The following MEGF6 variants were observed in gnomAD, a reference collection of about 807,000 sequenced individuals.
MEGF6 encodes multiple epidermal growth factor-like domains protein 6.
In MEGF6, 184 loss-of-function variants were observed where a neutral mutation model predicts 207.1. That is an observed-to-expected ratio of 0.89 (90% confidence interval 0.79 to 1.00). The LOEUF (loss-of-function observed/expected upper bound fraction) is 1.00, where lower values mean the gene tolerates loss of function less well. Among genes scored for constraint, MEGF6 ranks in the 50% least tolerant of loss-of-function variants. The pLI, the probability that MEGF6 is intolerant of heterozygous loss-of-function variation, is 0.00. For synonymous variants in MEGF6, 1,038 were observed against 910.0 expected (o/e 1.14, Z -2.53); for missense variants, 2,282 against 2,202.9 (o/e 1.04, Z -0.72).
chr1:3,530,500 C>T (rs970484013), intron 4 of MEGF6, among the ~76,000 whole-genome samples: 1 of 152,182 alleles, frequency 6.6e-6, no homozygotes, highest in African/African-American at 2.4e-5. Flanking sequence ...TCAAAGCAAC[C>T]ACCTGGAGGG....
rs1175382835 is a variant in MEGF6, at chr1:3,565,933, C to T, written c.481+13892G>A. 6.6e-6 allele frequency among the ~76,000 whole-genome samples: 1 copy of T among 152,186 alleles called. No individual in the cohort carries two copies. Among genetic ancestry groups the T allele is most frequent in the Non-Finnish European group, 1.5e-5 (1 of 68,010 alleles). ...GATCCAGCTTCCTCCTCCCTGAGACCTCAGGGTCAGCTGCTATAGGACCCG... is the reference window on the plus strand; with the variant it reads ...GATCCAGCTTCCTCCTCCCTGAGACTTCAGGGTCAGCTGCTATAGGACCCG... On this transcript the variant is annotated intron_variant, in intron 4 of 36. Coordinates refer to ENST00000356575, the MANE Select transcript of MEGF6 (RefSeq NM_001409.4). The surrounding 1 kb of genome is among the most constrained non-coding windows in gnomAD (Gnocchi z 4.8).
chr1:3,609,328 C>T (rs533446514), intron 1 of MEGF6, among the ~76,000 whole-genome samples: 15 of 152,344 alleles, frequency 9.8e-5, no homozygotes, highest in Admixed American at 4.6e-4. Context: ...GCAGGGTCCC[C>T]GCACTCACTC....
At chr1:3,569,797 GC>G (rs903500988) in intron 4 of MEGF6, among the ~76,000 whole-genome samples, 2 of 152,190 alleles carry the variant, frequency 1.3e-5, no homozygotes, top group African/African-American at 4.8e-5. Context: ...GCCTACAGAA[GC>G]CCCCCACCCC....
At chr1:3,622,354 C>A in the MEGF6 span, among the ~76,000 whole-genome samples, 1 of 152,210 alleles carries the variant, frequency 6.6e-6, no homozygotes, top group Non-Finnish European at 1.5e-5. Flanking sequence ...ACGTGCCTTG[C>A]TTCCCCTTTG....
rs977664178 is a variant in MEGF6 at position 3,570,260 on chromosome 1, C to T, written c.481+9565G>A. Among the ~76,000 whole-genome samples, 4 of 152,158 alleles carry T rather than the reference C, an allele frequency of 2.6e-5. No individual in the cohort carries two copies. The South Asian group carries it at 6.2e-4, about 24-fold the overall frequency. On this transcript the variant is annotated intron_variant, in intron 4 of 36. Coordinates refer to ENST00000356575, the MANE Select transcript of MEGF6 (RefSeq NM_001409.4). ...TCAACCCACTTCAGGCAGAAGGGGC[C>T]GCCTGGGACTGAGGCCAGTGAAGCC...
At chr1:3,568,422 G>A (rs1570155089) in intron 4 of MEGF6, among the ~76,000 whole-genome samples, 1 of 138,424 alleles carries the variant, frequency 7.2e-6, no homozygotes, top group Non-Finnish European at 1.7e-5. Context: ...TGGGGCCCAC[G>A]GAGGCCACCC....
intron 1 of MEGF6, among the ~76,000 whole-genome samples, chr1:3,605,601 C>A (rs1644237382): frequency 6.6e-6 from 1 of 152,114 alleles, no homozygotes; most frequent in East Asian, 1.9e-4. Flanking sequence ...CAATGACACA[C>A]ACACAATCAC....
In MEGF6 at chr1:3,498,822, G is replaced by A. The variant is rs1640727467; in HGVS notation, c.3099C>T (p.Cys1033=). The A allele has an allele frequency of 4.5e-6, 7 of 1,551,506 alleles. No homozygotes were observed. In the African/African-American group the frequency reaches 6.8e-5, roughly 15 times the overall value. Reference sequence around the variant, plus strand: ...AGTTGTCGCCGTACAGGCCGGCAGGGCAGGCTGGGGCCAGGGAAGAGGGAG... The same window carrying A: ...AGTTGTCGCCGTACAGGCCGGCAGGACAGGCTGGGGCCAGGGAAGAGGGAG... The part of the protein sequence containing the change: ...GWMGPSCLQA[C]PAGLYGDNCR... The change falls in exon 25 of 37, where the codon TGC becomes TGT. Residue 1033 remains cysteine, a synonymous_variant. Coordinates refer to ENST00000356575, the MANE Select transcript of MEGF6 (RefSeq NM_001409.4).
chr1:3,623,387 C>T, the MEGF6 span: 1 of 152,300 alleles, frequency 6.6e-6, no homozygotes, highest in Non-Finnish European at 1.5e-5. Context: ...GGACTGGATA[C>T]TTGGACCTCA....
At chr1:3,515,568 G>A (rs749771809) in intron 5 of MEGF6, 41 bp from the exon 6 acceptor site, 3 of 1,595,162 alleles carry the variant, frequency 1.9e-6, no homozygotes, top group Admixed American at 3.4e-5. Flanking sequence ...CCAAGAGGAT[G>A]CCTGGCCGAC....
Position 3,579,275 on chromosome 1 carries a change from G to A in MEGF6, c.481+550C>T, listed in dbSNP as rs529262844. 4.9e-4 allele frequency among the ~76,000 whole-genome samples: 75 copies of A among 152,290 alleles called. No individual in the cohort carries two copies. The South Asian group carries it at 0.011, about 22-fold the overall frequency. On this transcript the variant is annotated intron_variant, in intron 4 of 36. Transcript: ENST00000356575. The stretch of plus-strand genomic sequence containing the variant: ...ACGCACTTTTCTTTACAGAAATCCC[G>A]TCACCCCAGTAGCTTGCTTTCAGCC...
chr1:3,494,133 C>A lies in MEGF6; in HGVS notation c.4130-9G>T. The A allele has an allele frequency of 1.3e-6, 2 of 1,544,532 alleles. No individual in the cohort carries two copies. The highest frequency in any genetic ancestry group is 2.5e-5 in the South Asian group (2 of 80,722). ...GAAGCCAGGGGGACAGGCTGAAGGA[C>A]GCCGGTTACCACGAGACAAGGGCAC... On this transcript the variant is annotated splice_polypyrimidine_tract_variant and intron_variant, in intron 32 of 36. Transcript: ENST00000356575.
chr1:3,559,240 GC>G (rs1308162286), intron 4 of MEGF6, among the ~76,000 whole-genome samples: 3 of 152,174 alleles, frequency 2.0e-5, no homozygotes, highest in African/African-American at 7.2e-5. Context: ...TAAACCTCAG[GC>G]CCTGAGAAGT....
At chr1:3,535,664 G>C (rs1642304807) in intron 4 of MEGF6, among the ~76,000 whole-genome samples, 1 of 152,144 alleles carries the variant, frequency 6.6e-6, no homozygotes, top group Admixed American at 6.5e-5. Context: ...CAGTGTGGGG[G>C]CCCCCCAGCG....
intron 23 of MEGF6, 41 bp downstream of exon 23, chr1:3,499,547 C>G (rs1042300441): frequency 6.4e-7 from 1 of 1,551,432 alleles, no homozygotes; most frequent in Non-Finnish European, 8.7e-7. Context: ...ACCTGGCACC[C>G]CCTCCTGCAG....
chr1:3,496,090 T>C (rs959743016), intron 29 of MEGF6, 72 bp from the exon 30 acceptor site: 9 of 1,442,722 alleles, frequency 6.2e-6, no homozygotes, highest in Middle Eastern at 2.0e-4. Context: ...GGAGTGGGGA[T>C]AGGACAGGAT....
intron 4 of MEGF6, among the ~76,000 whole-genome samples, chr1:3,540,917 C>T (rs1311880756): frequency 3.3e-5 from 5 of 152,200 alleles, no homozygotes; most frequent in Non-Finnish European, 7.4e-5. Flanking sequence ...TTGTGGAATA[C>T]CCACTAAGGG....
In MEGF6 at chr1:3,496,656, G is replaced by A; in HGVS notation, c.3741C>T (p.Leu1247=). 6.3e-7 allele frequency: 1 copy of A among 1,576,246 alleles called. No homozygotes were observed. Among genetic ancestry groups the A allele is most frequent in the Admixed American group, 1.8e-5 (1 of 55,364 alleles). Reference sequence around the variant, plus strand: ...GCACTGCTGCCACCAGCCACTCACTGAGGTTGCAGTCCGTCCCGAGGAACC... The same window carrying A: ...GCACTGCTGCCACCAGCCACTCACTAAGGTTGCAGTCCGTCCCGAGGAACC... ...PTGFLGTDCN[L]TCPQGRFGPN... is the part of the protein sequence containing the mutation. The change falls in exon 29 of 37, where the codon CTC becomes CTT. Residue 1247 remains leucine (L), a splice_region_variant and synonymous_variant. Coordinates refer to ENST00000356575, the MANE Select transcript of MEGF6 (RefSeq NM_001409.4).
At position 3,501,679 on chromosome 1, in the gene MEGF6, C is replaced by T. The variant is rs980034145; in HGVS notation, c.2314+117G>A. Reference sequence around the variant, plus strand: ...CAGGGGAGTGCACTGTGAGCTCTCACACCTGCTATAGACGGGCCTGGGATC... The same window carrying T: ...CAGGGGAGTGCACTGTGAGCTCTCATACCTGCTATAGACGGGCCTGGGATC... On this transcript the variant is annotated intron_variant, in intron 18 of 36. Transcript: ENST00000356575. 5.8e-6 allele frequency: 8 copies of T among 1,389,282 alleles called. 1 individual carries two copies. The Middle Eastern group carries it at 1.3e-3, about 224-fold the overall frequency. The allele number at this position is 1,389,282 out of a possible 1,614,324, so 86.1% of individuals were successfully genotyped here.
Sources: gnomAD v4.1 joint callset for allele counts (sites outside exome capture counted in the v4.1 genomes callset) on GRCh38, gnomAD v4.1.1 for gene constraint, Gnocchi (gnomAD v3.1) non-coding constraint, MANE v1.5 for transcripts, NCBI Gene and HGNC (gene_info 2026-07-23, HGNC 2026-07-21) for gene names.